Variants in GABPB1 observed in about 807,000 individuals in gnomAD.
GABPB1 encodes the protein GA binding protein transcription factor subunit beta 1, also known as GA-binding protein subunit beta-1.
Under a neutral mutation model 45.9 loss-of-function variants are expected in GABPB1, and 15 were observed. The ratio of observed to expected loss-of-function variants is 0.33; its 90% CI spans 0.22 to 0.50. The LOEUF (loss-of-function observed/expected upper bound fraction) is 0.50, where lower values mean the gene tolerates loss of function less well. GABPB1 is among the 20% of genes least tolerant of loss of function. The probability of loss-of-function intolerance (pLI) is 0.98; values close to 1 mark genes in which losing one functional copy is unlikely to be tolerated. For missense variants in GABPB1, 252 were observed against 457.5 expected (o/e 0.55, Z 4.10); for synonymous variants, 143 against 154.4 (o/e 0.93, Z 0.55).
chr15:50,354,601 C>G (rs1046667150), intron 1 of GABPB1: 3 of 446,044 alleles, frequency 6.7e-6, no homozygotes, highest in Non-Finnish European at 1.3e-5. Context: ...CTCCAGTCGC[C>G]CGCAGAACCT....
intron 1 of GABPB1, among the ~76,000 whole-genome samples, chr15:50,342,075 T>C (rs565803578): frequency 4.6e-5 from 7 of 152,320 alleles, no homozygotes; most frequent in South Asian, 4.1e-4. Context: ...TTATATGTTA[T>C]CCAGCCTAAG....
At chr15:50,300,637 G>A in intron 6 of GABPB1, 152 bp downstream of exon 6, 1 of 537,994 alleles carries the variant, frequency 1.9e-6, no homozygotes, top group Non-Finnish European at 3.4e-6. Flanking sequence ...TAGAAACAGA[G>A]TTTCACTATG....
intron 4 of GABPB1, among the ~76,000 whole-genome samples, chr15:50,301,600 G>A (rs564343062): frequency 2.0e-5 from 3 of 152,202 alleles, no homozygotes; most frequent in South Asian, 4.1e-4. Context: ...GAGGAGAAAC[G>A]AGTATCTAAA....
intron 8 of GABPB1, among the ~76,000 whole-genome samples, chr15:50,284,344 A>G (rs1338983951): frequency 6.6e-6 from 1 of 152,176 alleles, no homozygotes; most frequent in African/African-American, 2.4e-5. Context: ...CTTGGCTTGA[A>G]CATTTCTAGT....
chr15:50,312,100 T>G (rs549887549), intron 1 of GABPB1, among the ~76,000 whole-genome samples: 8 of 152,206 alleles, frequency 5.3e-5, no homozygotes, highest in African/African-American at 1.9e-4. Flanking sequence ...ATCCCACCAC[T>G]CTGGGAGGCC....
intron 1 of GABPB1, among the ~76,000 whole-genome samples, chr15:50,323,391 A>T (rs1595804506): frequency 6.6e-6 from 1 of 152,170 alleles, no homozygotes; most frequent in East Asian, 1.9e-4. Flanking sequence ...CAGGCCCCAG[A>T]AGACAACATA....
chr15:50,324,540 CTTTTTT>C (rs575280667), intron 1 of GABPB1, among the ~76,000 whole-genome samples: 6 of 114,212 alleles, frequency 5.3e-5, no homozygotes, highest in Non-Finnish European at 5.2e-5. Context: ...GTCTCCGTGG[CTTTTTT>C]TTTTTTTTTT....
intron 1 of GABPB1, among the ~76,000 whole-genome samples, chr15:50,329,547 G>T (rs28715736): frequency 1.3e-5 from 2 of 152,008 alleles, no homozygotes; most frequent in Non-Finnish European, 2.9e-5. Flanking sequence ...TATCCTTAGC[G>T]TATATGCCAT....
At chr15:50,354,687 G>C (rs775847453) in intron 1 of GABPB1, 30 of 409,758 alleles carry the variant, frequency 7.3e-5, no homozygotes, top group South Asian at 5.1e-4. Context: ...CCGCGAGGCG[G>C]CCGCGGCATG....
chr15:50,340,547 CAAAAAAAAAAAAAAA>C (rs397853899), intron 1 of GABPB1, among the ~76,000 whole-genome samples: 2 of 110,794 alleles, frequency 1.8e-5, no homozygotes, highest in Non-Finnish European at 3.6e-5. Flanking sequence ...CTATAATCAC[CAAAAAAAAAAAAAAA>C]AAAAAAAAAC....
chr15:50,347,488 G>C (rs969996220), intron 1 of GABPB1: 4 of 151,886 alleles, frequency 2.6e-5, no homozygotes, highest in African/African-American at 4.8e-5. Context: ...AATCTTCTCT[G>C]CATCGTTCCA....
At chr15:50,340,331 T>G (rs8026571) in intron 1 of GABPB1, among the ~76,000 whole-genome samples, 74,950 of 151,992 alleles carry the variant, frequency 0.49, 19,556 homozygotes, top group Middle Eastern at 0.65. Flanking sequence ...GTTGGTCAAG[T>G]TCTATGAAGT....
intron 1 of GABPB1, among the ~76,000 whole-genome samples, chr15:50,323,777 C>T (rs1279217858): frequency 2.6e-5 from 4 of 152,006 alleles, no homozygotes; most frequent in Admixed American, 6.6e-5. Context: ...GAGGCTGGGG[C>T]GGGAGGATCG....
At chr15:50,338,672 C>T (rs568463569) in intron 1 of GABPB1, among the ~76,000 whole-genome samples, 2 of 152,052 alleles carry the variant, frequency 1.3e-5, no homozygotes, top group South Asian at 2.1e-4. Context: ...CGGGGCTTCA[C>T]CATGTTACAC....
chr15:50,339,571 T>C (rs2048276120), intron 1 of GABPB1, among the ~76,000 whole-genome samples: 1 of 152,160 alleles, frequency 6.6e-6, no homozygotes, highest in Non-Finnish European at 1.5e-5. Context: ...AGCTATATAT[T>C]TATCAGATAT....
rs376057763 is a variant in GABPB1 at position 50,290,312 on chromosome 15, G to A, written c.698-644C>T. The stretch of plus-strand genomic sequence containing the variant: ...TTTCGTAAAACCTCACAATTCAGTC[G>A]GGTGCTGGTGGCTCAGGTCTGTAAT... On this transcript the variant is annotated intron_variant, in intron 6 of 8. Coordinates refer to ENST00000380877, the MANE Select transcript of GABPB1 (RefSeq NM_016654.5). 7.2e-5 allele frequency among the ~76,000 whole-genome samples: 11 copies of A among 152,066 alleles called. No individual in the cohort carries two copies. In the East Asian group the frequency reaches 1.4e-3, roughly 19 times the overall value.
intron 6 of GABPB1, among the ~76,000 whole-genome samples, chr15:50,299,648 C>T (rs1350233568): frequency 6.6e-6 from 1 of 152,186 alleles, no homozygotes; most frequent in Non-Finnish European, 1.5e-5. Context: ...ATCCACCCGC[C>T]TCAGCCTCCC....
At chr15:50,324,842 T>C (rs1373125167) in intron 1 of GABPB1, among the ~76,000 whole-genome samples, 1 of 152,018 alleles carries the variant, frequency 6.6e-6, no homozygotes, top group Non-Finnish European at 1.5e-5. Flanking sequence ...CCACCCCGCC[T>C]GGCCTCTGTA....
At chr15:50,344,535 C>G (rs1042102288) in intron 1 of GABPB1, among the ~76,000 whole-genome samples, 2 of 152,066 alleles carry the variant, frequency 1.3e-5, no homozygotes, top group African/African-American at 4.8e-5. Context: ...TGCAGAATTC[C>G]AAGACAAACT....
Sources: gnomAD v4.1 joint callset for allele counts (sites outside exome capture counted in the v4.1 genomes callset) on GRCh38, gnomAD v4.1.1 for gene constraint, MANE v1.5 for transcripts, NCBI Gene and HGNC (gene_info 2026-07-23, HGNC 2026-07-21) for gene names.